RAB13: variants seen among roughly 807,000 people sequenced by gnomAD.
The protein encoded by RAB13 is ras-related protein Rab-13.
RAB13 carries 15 observed loss-of-function variants against 29.3 expected under a neutral mutation model. The observed-to-expected ratio is 0.51, with a 90% CI of 0.34 to 0.79. The LOEUF (loss-of-function observed/expected upper bound fraction) is 0.79. Ranked by LOEUF, RAB13 falls within the 30% of genes least tolerant of loss-of-function variation. RAB13 has a pLI of 0.01. For synonymous variants in RAB13, 82 were observed against 93.8 expected (o/e 0.87, Z 0.73); for missense variants, 186 against 255.5 (o/e 0.73, Z 1.85).
upstream of RAB13, among the ~76,000 whole-genome samples, chr1:153,988,606 T>G (rs1649256096): frequency 1.3e-5 from 2 of 148,966 alleles, no homozygotes; most frequent in South Asian, 4.2e-4. Context: ...TTATTTTTAT[T>G]TTTTTAATTT....
intron 5 of RAB13, 31 bp from the exon 6 acceptor site, chr1:153,982,631 A>G (rs1225135024): frequency 1.9e-6 from 3 of 1,612,000 alleles, no homozygotes; most frequent in Non-Finnish European, 2.5e-6. Flanking sequence ...AGAGAATTGA[A>G]TTAAGGACAG....
At chr1:153,989,789 G>C (rs935634270), upstream of RAB13, among the ~76,000 whole-genome samples, 1 of 151,720 alleles carries the variant, frequency 6.6e-6, no homozygotes, top group African/African-American at 2.4e-5. Context: ...CTACTCGGGA[G>C]GCTGAGGCAG....
chr1:153,982,660 T>G (rs1649024578), intron 5 of RAB13, 59 bp downstream of exon 5: 5 of 1,610,850 alleles, frequency 3.1e-6, no homozygotes, highest in Non-Finnish European at 3.4e-6. Flanking sequence ...TCCTCTGCAA[T>G]GCAACCTATC....
upstream of RAB13, among the ~76,000 whole-genome samples, chr1:153,989,087 A>ATTTT (rs778109310): frequency 3.1e-5 from 3 of 96,364 alleles, no homozygotes; most frequent in African/African-American, 1.2e-4. Flanking sequence ...GCCCAGCTAA[A>ATTTT]TTTTTTTTTT....
chr1:153,990,696 G>A, upstream of RAB13: 2 of 1,498,420 alleles, frequency 1.3e-6, no homozygotes, highest in Non-Finnish European at 9.3e-7. Context: ...AAACATGGTG[G>A]CACAAGATCC....
chr1:153,988,119 T>TA (rs1489194884), upstream of RAB13, among the ~76,000 whole-genome samples: 1 of 151,266 alleles, frequency 6.6e-6, no homozygotes. Flanking sequence ...GGAGTACCTG[T>TA]AATCCTCTGG....
chr1:153,983,422 C>A (rs1649059612), intron 3 of RAB13, 99 bp downstream of exon 3: 9 of 1,474,058 alleles, frequency 6.1e-6, no homozygotes, highest in Non-Finnish European at 7.6e-6. Context: ...CCACACTGCA[C>A]CCCTCCCATT....
At chr1:153,988,095 G>A (rs995097273), upstream of RAB13, among the ~76,000 whole-genome samples, 1 of 149,344 alleles carries the variant, frequency 6.7e-6, no homozygotes, top group African/African-American at 2.5e-5. Context: ...AGCGATTCTT[G>A]TGCCTCAGCC....
At chr1:153,984,859 G>C in intron 1 of RAB13, 78 bp from the exon 2 acceptor site, 1 of 1,506,282 alleles carries the variant, frequency 6.6e-7, no homozygotes, top group Non-Finnish European at 9.0e-7. Context: ...GGACAGGAAC[G>C]GAGCAGTGCT....
chr1:153,984,402 A>G (rs1450834620), intron 2 of RAB13, among the ~76,000 whole-genome samples: 1 of 152,204 alleles, frequency 6.6e-6, no homozygotes, highest in Admixed American at 6.5e-5. Context: ...ACTTAGAGTC[A>G]AGTCTTAATT....
upstream of RAB13, among the ~76,000 whole-genome samples, chr1:153,990,454 C>T (rs185316585): frequency 2.0e-5 from 3 of 152,254 alleles, no homozygotes; most frequent in Non-Finnish European, 4.4e-5. Flanking sequence ...GCTCCTTCTC[C>T]CTGGTGTTTT....
intron 6 of RAB13, 39 bp downstream of exon 6, chr1:153,982,496 A>T: frequency 6.2e-7 from 1 of 1,607,306 alleles, no homozygotes; most frequent in African/African-American, 1.3e-5. Flanking sequence ...ACCTTCTAAT[A>T]CTTCCTCTCT....
chr1:153,987,958 C>CA (rs200746815), upstream of RAB13, among the ~76,000 whole-genome samples: 1,217 of 151,534 alleles, frequency 8.0e-3, 13 homozygotes, highest in African/African-American at 0.028. Context: ...GATCCTGTTT[C>CA]AAAAAAATTT....
intron 7 of RAB13, 104 bp downstream of exon 7, chr1:153,982,287 G>A (rs1240950576): frequency 7.4e-6 from 11 of 1,491,288 alleles, no homozygotes; most frequent in African/African-American, 2.8e-5. Context: ...ATTGCTCCCC[G>A]TTTTTATCAA....
upstream of RAB13, chr1:153,986,358 G>C (rs1484520145): frequency 1.0e-4 from 83 of 794,604 alleles, no homozygotes; most frequent in Non-Finnish European, 1.5e-4. Context: ...CTCCCTCTCC[G>C]CCCAGGCTCC....
At chr1:153,983,123 CT>C in intron 4 of RAB13, 95 bp downstream of exon 4, 1 of 1,123,082 alleles carries the variant, frequency 8.9e-7, no homozygotes, top group Non-Finnish European at 1.3e-6. Context: ...AAAACTTCAT[CT>C]CAAAAAAAAA....
intron 1 of RAB13, chr1:153,985,358 C>T: frequency 1.0e-6 from 1 of 984,108 alleles, no homozygotes. Flanking sequence ...CTCTTCCTGT[C>T]TATTTCCCAA....
chr1:153,986,182 C>T lies in RAB13; in HGVS notation c.55G>A (p.Val19Met). The change falls in exon 1 of 8, where the codon GTG becomes ATG. Residue 19 changes from valine to methionine, a missense_variant. Physicochemically the swap from Val to Met is conservative, Grantham distance 21 (BLOSUM62 1). Transcript: ENST00000368575. ...FKLLLIGDSGVGKTCLIIRFA... is the reference protein window; with the variant it reads ...FKLLLIGDSGMGKTCLIIRFA... ...CGAATGATCAGACAAGTCTTGCCCA[C>T]CCCCGAGTCCCCGATCAGCAGCAAC... is the stretch of plus-strand genomic sequence containing the variant. 2 of 1,613,646 alleles carry T rather than the reference C, an allele frequency of 1.2e-6. No individual in the cohort carries two copies. Among genetic ancestry groups the T allele is most frequent in the Non-Finnish European group, 1.7e-6 (2 of 1,179,842 alleles).
upstream of RAB13, among the ~76,000 whole-genome samples, chr1:153,987,515 CAAAAA>C (rs775480072): frequency 1.0e-5 from 1 of 97,056 alleles, no homozygotes; most frequent in African/African-American, 3.7e-5. Context: ...GACTCCGTCT[CAAAAA>C]AAAAAAAAAA....
Sources: allele counts gnomAD v4.1 joint callset (sites outside exome capture counted in the v4.1 genomes callset), GRCh38; gene constraint gnomAD v4.1.1; transcripts MANE v1.5; gene names NCBI Gene and HGNC (gene_info 2026-07-23, HGNC 2026-07-21).